Variants in MBD2 observed in about 807,000 individuals in gnomAD.
The protein encoded by MBD2 is methyl-CpG binding domain protein 2.
In MBD2, 9 loss-of-function variants were observed where a neutral mutation model predicts 39.3. That is an observed-to-expected ratio of 0.23 (90% CI 0.14 to 0.40). MBD2 has a LOEUF of 0.40. MBD2 is among the 10% of genes least tolerant of loss of function. MBD2 has a pLI of 1.00. For synonymous variants in MBD2, 233 were observed against 211.1 expected (o/e 1.10, Z -0.90); for missense variants, 458 against 532.6 (o/e 0.86, Z 1.38).
intron 3 of MBD2, among the ~76,000 whole-genome samples, chr18:54,168,754 C>T (rs1012971022): frequency 1.3e-4 from 20 of 150,804 alleles, no homozygotes; most frequent in African/African-American, 3.9e-4. Context: ...AAACACTTAA[C>T]TGGTCAAGGT....
intron 2 of MBD2, chr18:54,202,808 A>G (rs2086417632): frequency 1.3e-6 from 2 of 1,550,236 alleles, no homozygotes; most frequent in Admixed American, 3.9e-5. Context: ...AAGCAAAAAA[A>G]GACATGGTCC....
At chr18:54,174,502 C>CT (rs1013607586) in intron 3 of MBD2, among the ~76,000 whole-genome samples, 11 of 151,094 alleles carry the variant, frequency 7.3e-5, no homozygotes, top group South Asian at 6.3e-4. Flanking sequence ...GTGGGTGCCT[C>CT]TTTTTTTTTA....
chr18:54,197,084 A>G (rs530317297), intron 2 of MBD2, among the ~76,000 whole-genome samples: 12 of 152,350 alleles, frequency 7.9e-5, no homozygotes, highest in African/African-American at 2.9e-4. Flanking sequence ...TCTTTGAACA[A>G]GAGAACATGA....
chr18:54,205,081 C>A lies in MBD2; in HGVS notation c.619G>T (p.Asp207Tyr). 6.2e-7 allele frequency: 1 copy of A among 1,614,092 alleles called. No homozygotes were observed. The highest frequency in any genetic ancestry group is 8.5e-7 in the Non-Finnish European group (1 of 1,179,996). The change falls in exon 2 of 7, where the codon GAC becomes TAC. Residue 207 changes from aspartate (D) to tyrosine (Y), a missense_variant. Transcript: ENST00000256429. ...GGCATCATCTTTCCAGTTCTGAAGT[C>A]AAAACTGCTGAGATCAACAGTATTT... is the stretch of plus-strand genomic sequence containing the variant. ...LGNTVDLSSF[D>Y]FRTGKMMPSK...
chr18:54,159,730 T>A (rs1204517650), intron 6 of MBD2, 35 bp downstream of exon 6: 1 of 1,596,286 alleles, frequency 6.3e-7, no homozygotes, highest in Non-Finnish European at 8.5e-7. Flanking sequence ...AAACACACCT[T>A]AAGTTCCAAG....
intron 5 of MBD2, among the ~76,000 whole-genome samples, chr18:54,161,682 GA>G (rs1217095866): frequency 2.0e-5 from 3 of 152,194 alleles, no homozygotes; most frequent in Non-Finnish European, 2.9e-5. Flanking sequence ...CCACATTTGT[GA>G]GAGCTGAAAT....
intron 1 of MBD2, among the ~76,000 whole-genome samples, chr18:54,207,577 T>A (rs1160477051): frequency 6.6e-6 from 1 of 152,246 alleles, no homozygotes; most frequent in Non-Finnish European, 1.5e-5. Flanking sequence ...CACAATGGGA[T>A]AAATATTATT....
intron 2 of MBD2, among the ~76,000 whole-genome samples, chr18:54,200,017 A>C (rs1450618757): frequency 6.6e-6 from 1 of 152,188 alleles, no homozygotes; most frequent in East Asian, 1.9e-4. Flanking sequence ...CCTAGTATAC[A>C]GCCATATACC....
chr18:54,181,781 G>A (rs930436260), intron 3 of MBD2, among the ~76,000 whole-genome samples: 1 of 152,168 alleles, frequency 6.6e-6, no homozygotes, highest in African/African-American at 2.4e-5. Context: ...TTACAGGTGT[G>A]GGCCACTGTG....
chr18:54,163,410 C>T lies in MBD2; in HGVS notation c.1109+1113G>A, dbSNP rs908813883. ...CAGGGGACAGAAATAGTGAAGTATA[C>T]ACAAGGTCATATTTTTAATATACTA... On this transcript the variant is annotated intron_variant, in intron 5 of 6. Coordinates refer to ENST00000256429, the MANE Select transcript of MBD2 (RefSeq NM_003927.5). Among the ~76,000 whole-genome samples the T allele has an allele frequency of 1.6e-4, 25 of 152,088 alleles. 1 individual carries two copies. Among genetic ancestry groups the T allele is most frequent in the Non-Finnish European group, 4.4e-5 (3 of 68,020 alleles).
intron 2 of MBD2, among the ~76,000 whole-genome samples, chr18:54,200,206 G>T (rs1182739449): frequency 6.6e-6 from 1 of 152,120 alleles, no homozygotes; most frequent in Admixed American, 6.6e-5. Context: ...AAAGAATTGA[G>T]CCTTTCCAAG....
chr18:54,188,073 G>A (rs188485714), intron 3 of MBD2, among the ~76,000 whole-genome samples: 9 of 152,246 alleles, frequency 5.9e-5, no homozygotes, highest in African/African-American at 2.2e-4. Context: ...ATCCTTAGGT[G>A]GACTCAGGTG....
chr18:54,224,529 A>G lies in MBD2; in HGVS notation c.31T>C (p.Cys11Arg), dbSNP rs1359095710. The change falls in exon 1 of 7, where the codon TGC (cysteine) becomes CGC (arginine). Residue 11 changes from cysteine to arginine, a missense_variant. Physicochemically the swap from Cys to Arg is radical, Grantham distance 180. Coordinates refer to ENST00000256429, the MANE Select transcript of MBD2 (RefSeq NM_003927.5). ...CTCTCCCCCTCCTCCTGCTCCGGGC[A>G]GCAGCGGCCTCCCCCCGGGTGCGCG... is the stretch of plus-strand genomic sequence containing the variant. The part of the protein sequence containing the change: MRAHPGGGRC[C>R]PEQEEGESAA... 5.2e-6 allele frequency: 6 copies of G among 1,147,474 alleles called. No homozygotes were observed. The highest frequency in any genetic ancestry group is 6.4e-6 in the Non-Finnish European group (6 of 938,080). The allele number at this position is 1,147,474 out of a possible 1,614,324, so 71.1% of individuals were successfully genotyped here. A position where few individuals can be genotyped will look rare whatever the true frequency, so the allele number is the denominator to read the frequency against.
At chr18:54,160,060 C>CA (rs1426091044) in intron 5 of MBD2, 157 bp from the exon 6 acceptor site, 27 of 700,208 alleles carry the variant, frequency 3.9e-5, no homozygotes, top group Non-Finnish European at 5.5e-5. Flanking sequence ...ACACACAAAT[C>CA]AAACCTCACC....
chr18:54,192,399 A>T (rs888388782), intron 2 of MBD2, among the ~76,000 whole-genome samples: 2 of 151,912 alleles, frequency 1.3e-5, no homozygotes, highest in Admixed American at 6.6e-5. Flanking sequence ...CACCCAGCTA[A>T]TTTTTTTATT....
At chr18:54,213,095 G>GA (rs1443757088) in intron 1 of MBD2, among the ~76,000 whole-genome samples, 2 of 72,274 alleles carry the variant, frequency 2.8e-5, no homozygotes, top group East Asian at 1.2e-3. Context: ...CGGGGGGGGG[G>GA]ATTATTTTTA....
At chr18:54,223,845 C>A (rs575090230) in intron 1 of MBD2, among the ~76,000 whole-genome samples, 173 bp downstream of exon 1, 46 of 152,252 alleles carry the variant, frequency 3.0e-4, no homozygotes, top group Non-Finnish European at 5.9e-5. Flanking sequence ...ACACTGCCTC[C>A]CACCGCACTG....
chr18:54,198,672 C>T (rs1357379766), intron 2 of MBD2, among the ~76,000 whole-genome samples: 2 of 152,214 alleles, frequency 1.3e-5, no homozygotes, highest in African/African-American at 4.8e-5. Flanking sequence ...GATTGCACCA[C>T]TGCACTTCCC....
chr18:54,173,235 G>A (rs2086190355), intron 3 of MBD2, among the ~76,000 whole-genome samples: 1 of 152,100 alleles, frequency 6.6e-6, no homozygotes, highest in Admixed American at 6.6e-5. Context: ...AAGGTCAGTT[G>A]GGAGTACTTT....
Sources: allele counts gnomAD v4.1 joint callset (sites outside exome capture counted in the v4.1 genomes callset), GRCh38; gene constraint gnomAD v4.1.1; transcripts MANE v1.5; gene names NCBI Gene and HGNC (gene_info 2026-07-23, HGNC 2026-07-21).